Variants in CNTNAP4 observed in about 807,000 individuals in gnomAD.
CNTNAP4 encodes contactin associated protein family member 4.
In CNTNAP4, 98 loss-of-function variants were observed where a neutral mutation model predicts 148.4. The ratio of observed to expected loss-of-function variants is 0.66; its 90% CI spans 0.56 to 0.78. The LOEUF (loss-of-function observed/expected upper bound fraction) is 0.78. CNTNAP4 is among the 30% of genes least tolerant of loss of function. The probability of loss-of-function intolerance (pLI) is 0.00; values close to 1 mark genes in which losing one functional copy is unlikely to be tolerated. For synonymous variants in CNTNAP4, 730 were observed against 565.1 expected, an observed-to-expected ratio of 1.29 and a Z score of -4.14; for missense variants, 1,935 against 1,565.6, an observed-to-expected ratio of 1.24 and a Z score of -3.98.
chr16:76,524,808 AC>A (rs2083643440), intron 17 of CNTNAP4, among the ~76,000 whole-genome samples: 2 of 152,156 alleles, frequency 1.3e-5, no homozygotes, highest in South Asian at 4.1e-4. Flanking sequence ...AAGTCAAGTC[AC>A]TGAAAATAAA....
intron 17 of CNTNAP4, among the ~76,000 whole-genome samples, chr16:76,529,572 C>T (rs2083883786): frequency 2.0e-5 from 3 of 152,176 alleles, no homozygotes; most frequent in Admixed American, 2.0e-4. Flanking sequence ...TTTATTCAAC[C>T]AGCTCCGCAA....
At chr16:76,446,859 G>T (rs893887883) in intron 4 of CNTNAP4, among the ~76,000 whole-genome samples, 1 of 152,110 alleles carries the variant, frequency 6.6e-6, no homozygotes, top group East Asian at 1.9e-4. Context: ...AGAATTTTGA[G>T]ATATCAAAAC....
At chr16:76,502,297 G>A (rs553954461) in intron 15 of CNTNAP4, among the ~76,000 whole-genome samples, 1 of 151,792 alleles carries the variant, frequency 6.6e-6, no homozygotes, top group Admixed American at 6.6e-5. Flanking sequence ...GATGAGCAGT[G>A]GCTTCAGAAC....
chr16:76,290,584 G>A lies in CNTNAP4; in HGVS notation c.85+12837G>A, dbSNP rs78576700. On this transcript the variant is annotated intron_variant, in intron 1 of 23. Coordinates refer to ENST00000611870, the MANE Select transcript of CNTNAP4 (RefSeq NM_033401.5). ...TTCACTTCCTCTAAATTCCTTCTTTGAGTCAACAATTTCAAGAAAAGGGTA... is the reference window on the plus strand; with the variant it reads ...TTCACTTCCTCTAAATTCCTTCTTTAAGTCAACAATTTCAAGAAAAGGGTA... Among the ~76,000 whole-genome samples, 111 of 152,100 alleles carry A rather than the reference G, an allele frequency of 7.3e-4. No homozygotes were observed. In the East Asian group the frequency reaches 0.016, roughly 22 times the overall value.
At chr16:76,528,583 G>A (rs2144178380) in intron 17 of CNTNAP4, among the ~76,000 whole-genome samples, 1 of 152,266 alleles carries the variant, frequency 6.6e-6, no homozygotes, top group Non-Finnish European at 1.5e-5. Context: ...AGCATTGTTG[G>A]TAATCTCTCA....
chr16:76,356,035 C>A (rs900693881), intron 3 of CNTNAP4, among the ~76,000 whole-genome samples: 1 of 151,760 alleles, frequency 6.6e-6, no homozygotes, highest in East Asian at 1.9e-4. Context: ...CAACCACACC[C>A]GGCTAATTTT....
intron 1 of CNTNAP4, among the ~76,000 whole-genome samples, chr16:76,293,789 G>A (rs1959177959): frequency 6.7e-6 from 1 of 150,146 alleles, no homozygotes; most frequent in Non-Finnish European, 1.5e-5. Flanking sequence ...GATCTTAGAG[G>A]TGCAAATCAT....
At chr16:76,296,330 A>G (rs1317101864) in intron 1 of CNTNAP4, among the ~76,000 whole-genome samples, 1 of 152,146 alleles carries the variant, frequency 6.6e-6, no homozygotes, top group Non-Finnish European at 1.5e-5. Flanking sequence ...CACCCCACCC[A>G]TTTGACTTAA....
intron 3 of CNTNAP4, among the ~76,000 whole-genome samples, chr16:76,366,227 G>C (rs1430809273): frequency 6.6e-6 from 1 of 152,088 alleles, no homozygotes; most frequent in Non-Finnish European, 1.5e-5. Context: ...TATTTTGTCA[G>C]CCAGGTACTA....
intron 3 of CNTNAP4, among the ~76,000 whole-genome samples, chr16:76,411,406 A>G (rs183481685): frequency 2.6e-5 from 4 of 151,504 alleles, no homozygotes; most frequent in African/African-American, 9.6e-5. Flanking sequence ...TTTACTTTAA[A>G]TTTTATAATG....
chr16:76,390,754 G>T (rs1451839085), intron 3 of CNTNAP4, among the ~76,000 whole-genome samples: 1 of 151,978 alleles, frequency 6.6e-6, no homozygotes, highest in Non-Finnish European at 1.5e-5. Flanking sequence ...GTCCTCTTTG[G>T]CTCTCTTAGC....
intron 15 of CNTNAP4, among the ~76,000 whole-genome samples, chr16:76,499,875 G>A (rs2082559441): frequency 6.6e-6 from 1 of 151,900 alleles, no homozygotes; most frequent in Non-Finnish European, 1.5e-5. Flanking sequence ...CGGGGTTGGG[G>A]GTAAGGTTAT....
chr16:76,538,858 T>C (rs1034892783), intron 19 of CNTNAP4, among the ~76,000 whole-genome samples: 3 of 152,046 alleles, frequency 2.0e-5, no homozygotes, highest in African/African-American at 7.2e-5. Context: ...GAATGTAGAT[T>C]AGGAAATGTG....
intron 3 of CNTNAP4, among the ~76,000 whole-genome samples, chr16:76,418,621 C>T (rs973161319): frequency 6.6e-5 from 10 of 151,786 alleles, no homozygotes; most frequent in African/African-American, 2.4e-4. Flanking sequence ...TTCCATTAGA[C>T]CCCTTAGCAT....
At chr16:76,400,391 A>G (rs909043192) in intron 3 of CNTNAP4, among the ~76,000 whole-genome samples, 3 of 152,180 alleles carry the variant, frequency 2.0e-5, no homozygotes, top group Admixed American at 6.6e-5. Context: ...TTATTTGTCA[A>G]TTAAAAATAA....
chr16:76,505,548 G>A (rs1221966450), intron 15 of CNTNAP4, among the ~76,000 whole-genome samples: 1 of 96,600 alleles, frequency 1.0e-5, no homozygotes, highest in African/African-American at 2.6e-5. Flanking sequence ...TGAGGGTGGT[G>A]GTGTTTTTAT....
At chr16:76,406,792 C>G (rs895922610) in intron 3 of CNTNAP4, among the ~76,000 whole-genome samples, 1 of 152,078 alleles carries the variant, frequency 6.6e-6, no homozygotes, top group African/African-American at 2.4e-5. Context: ...GAAGCTGTAG[C>G]AGAAAGCTGG....
intron 2 of CNTNAP4, among the ~76,000 whole-genome samples, chr16:76,318,744 T>C (rs902912919): frequency 1.4e-5 from 2 of 146,178 alleles, no homozygotes; most frequent in Non-Finnish European, 3.0e-5. Context: ...TTATTAATAA[T>C]AATCATAATA....
In CNTNAP4 at chr16:76,277,684, G is replaced by T; in HGVS notation, c.22G>T (p.Val8Phe). MGSVTGA[V>F]LKTLLLLSTQ... ...GAACATGGGATCTGTCACGGGAGCT[G>T]TCCTCAAGACGCTACTTCTGTTATC... The change falls in exon 1 of 24, where the codon GTC becomes TTC. Residue 8 changes from valine to phenylalanine, a missense_variant. Transcript: ENST00000611870. 6.2e-7 allele frequency: 1 copy of T among 1,605,828 alleles called. No homozygotes were observed. Among genetic ancestry groups the T allele is most frequent in the Non-Finnish European group, 8.5e-7 (1 of 1,175,834 alleles).
Sources: gnomAD v4.1 joint callset for allele counts (sites outside exome capture counted in the v4.1 genomes callset) on GRCh38, gnomAD v4.1.1 for gene constraint, MANE v1.5 for transcripts, NCBI Gene and HGNC (gene_info 2026-07-23, HGNC 2026-07-21) for gene names.